HGD: variants seen among roughly 807,000 people sequenced by gnomAD.
The protein encoded by HGD is homogentisate oxidase.
In HGD, 61 loss-of-function variants were observed where a neutral mutation model predicts 60.8. The observed-to-expected ratio is 1.00, with a 90% CI of 0.82 to 1.24. HGD has a LOEUF of 1.24. Among genes scored for constraint, HGD ranks in the 50% most tolerant of loss-of-function variants. HGD has a pLI of 0.00. For synonymous variants in HGD, 212 were observed against 187.7 expected, an observed-to-expected ratio of 1.13 and a Z score of -1.06; for missense variants, 542 against 547.1, an observed-to-expected ratio of 0.99 and a Z score of 0.09.
intron 11 of HGD, among the ~76,000 whole-genome samples, chr3:120,639,061 A>T (rs1385944115): frequency 6.6e-6 from 1 of 152,166 alleles, no homozygotes; most frequent in African/African-American, 2.4e-5. Flanking sequence ...CTCCCCAGCC[A>T]TGTGGAACTG....
At chr3:120,630,628 G>C (rs1217158343) in intron 13 of HGD, among the ~76,000 whole-genome samples, 1 of 151,812 alleles carries the variant, frequency 6.6e-6, no homozygotes, top group Non-Finnish European at 1.5e-5. Context: ...ACCAACTCAT[G>C]ATGGATTAAG....
At chr3:120,644,477 C>G (rs770960854) in intron 9 of HGD, 34 bp from the exon 10 acceptor site, 1 of 1,613,712 alleles carries the variant, frequency 6.2e-7, no homozygotes, top group Non-Finnish European at 8.5e-7. Flanking sequence ...CTTTTAGAAA[C>G]TTCCAAAACA....
chr3:120,636,116 CAA>C (rs34434001), intron 12 of HGD, among the ~76,000 whole-genome samples: 5,626 of 113,172 alleles, frequency 0.05, 375 homozygotes, highest in African/African-American at 0.17. Flanking sequence ...ACTAACAATA[CAA>C]AAAAAAAAAA....
At chr3:120,630,825 T>TATATATATATATACAC (rs1491569082) in intron 13 of HGD, among the ~76,000 whole-genome samples, 7 of 104,118 alleles carry the variant, frequency 6.7e-5, no homozygotes, top group Admixed American at 2.0e-4. Flanking sequence ...TATATATATA[T>TATATATATATATACAC]ACACATACAC....
chr3:120,676,667 T>A (rs564718966), intron 1 of HGD, among the ~76,000 whole-genome samples: 1 of 152,350 alleles, frequency 6.6e-6, no homozygotes, highest in African/African-American at 2.4e-5. Context: ...AATTCTAATG[T>A]AAGTGTATGT....
At chr3:120,652,557 G>A in intron 5 of HGD, 35 bp downstream of exon 5, 1 of 1,490,196 alleles carries the variant, frequency 6.7e-7, no homozygotes, top group East Asian at 2.3e-5. Context: ...GAAGAGAGGA[G>A]AGCAGTAGGG....
intron 3 of HGD, among the ~76,000 whole-genome samples, chr3:120,672,456 T>C (rs1708044067): frequency 6.6e-6 from 1 of 152,134 alleles, no homozygotes; most frequent in Non-Finnish European, 1.5e-5. Context: ...CAGACCTGAA[T>C]CAACAGGCTC....
chr3:120,632,567 C>A (rs1940624370), intron 13 of HGD, among the ~76,000 whole-genome samples: 2 of 152,110 alleles, frequency 1.3e-5, no homozygotes, highest in Admixed American at 1.3e-4. Context: ...TCTCACAAGC[C>A]CTGACTATAG....
intron 4 of HGD, among the ~76,000 whole-genome samples, chr3:120,663,780 T>TG (rs1707832651): frequency 3.5e-4 from 2 of 5,772 alleles, no homozygotes; most frequent in Non-Finnish European, 2.3e-3. Context: ...TATTAGGAAT[T>TG]TTTATAAACA....
chr3:120,650,589 C>A (rs1268985866), intron 6 of HGD, among the ~76,000 whole-genome samples, 185 bp downstream of exon 6: 1 of 152,208 alleles, frequency 6.6e-6, no homozygotes. Context: ...AAGATAAATG[C>A]CTTTTGTCTC....
At chr3:120,635,079 G>A (rs1434749720) in intron 12 of HGD, among the ~76,000 whole-genome samples, 2 of 152,162 alleles carry the variant, frequency 1.3e-5, no homozygotes, top group African/African-American at 4.8e-5. Context: ...ATTCAGCTTT[G>A]ATCTGAATAT....
At chr3:120,639,192 G>A (rs1940889595) in intron 11 of HGD, among the ~76,000 whole-genome samples, 1 of 152,088 alleles carries the variant, frequency 6.6e-6, no homozygotes, top group African/African-American at 2.4e-5. Flanking sequence ...GTATCCAATA[G>A]GTAGTTTTTT....
At chr3:120,671,987 G>C (rs184978727) in intron 3 of HGD, among the ~76,000 whole-genome samples, 18 of 151,810 alleles carry the variant, frequency 1.2e-4, no homozygotes, top group East Asian at 1.9e-4. Context: ...GGGCCTGTTG[G>C]GGGGTGGGAG....
chr3:120,639,342 T>C (rs1382119296), intron 11 of HGD, among the ~76,000 whole-genome samples: 2 of 152,252 alleles, frequency 1.3e-5, no homozygotes, highest in African/African-American at 4.8e-5. Context: ...CTTAGGATTA[T>C]GGCTTCCAGC....
intron 1 of HGD, among the ~76,000 whole-genome samples, chr3:120,677,626 G>A (rs574248522): frequency 6.6e-6 from 1 of 152,330 alleles, no homozygotes; most frequent in African/African-American, 2.4e-5. Flanking sequence ...CCTCGGTCCT[G>A]TGGTCCTGTG....
intron 4 of HGD, among the ~76,000 whole-genome samples, chr3:120,665,866 C>T (rs1707887643): frequency 6.6e-6 from 1 of 152,134 alleles, no homozygotes; most frequent in Admixed American, 6.5e-5. Context: ...GAAGACATAC[C>T]TATCACACAG....
chr3:120,648,426 A>C (rs148275884), intron 6 of HGD, among the ~76,000 whole-genome samples: 1 of 152,296 alleles, frequency 6.6e-6, no homozygotes, highest in East Asian at 1.9e-4. Context: ...AGGCCTCCAG[A>C]GCCTTGTCAT....
chr3:120,651,196 G>C (rs1004948897), intron 5 of HGD, among the ~76,000 whole-genome samples: 2 of 152,178 alleles, frequency 1.3e-5, no homozygotes, highest in African/African-American at 4.8e-5. Flanking sequence ...TCTGTTGGAG[G>C]TACCATCAGG....
At chr3:120,649,173 C>A (rs1471943836) in intron 6 of HGD, among the ~76,000 whole-genome samples, 1 of 137,182 alleles carries the variant, frequency 7.3e-6, no homozygotes, top group African/African-American at 2.8e-5. Flanking sequence ...GATGGAGTCT[C>A]ACACGGTTGT....
Sources: allele counts gnomAD v4.1 joint callset (sites outside exome capture counted in the v4.1 genomes callset), GRCh38; gene constraint gnomAD v4.1.1; transcripts MANE v1.5; gene names NCBI Gene and HGNC (gene_info 2026-07-23, HGNC 2026-07-21).